Variants in MED13 observed in about 807,000 individuals in gnomAD.
The protein encoded by MED13 is mediator of RNA polymerase II transcription subunit 13.
Under a neutral mutation model 225.2 loss-of-function variants are expected in MED13, and 23 were observed. That is an observed-to-expected ratio of 0.10 (90% CI 0.07 to 0.14). The LOEUF is 0.14. MED13 is among the 10% of genes least tolerant of loss of function. The pLI is 1.00. For missense variants in MED13, 2,197 were observed against 2,594.5 expected, an observed-to-expected ratio of 0.85 and a Z score of 3.33; for synonymous variants, 942 against 889.2, an observed-to-expected ratio of 1.06 and a Z score of -1.06.
At chr17:62,055,429 A>G (rs1395239809) in intron 2 of MED13, among the ~76,000 whole-genome samples, 1 of 152,130 alleles carries the variant, frequency 6.6e-6, no homozygotes, top group Non-Finnish European at 1.5e-5. Context: ...AGTAAAAGCT[A>G]AAGCACAATT....
chr17:62,048,043 CAT>C (rs397803988), intron 3 of MED13, among the ~76,000 whole-genome samples: 3,731 of 130,994 alleles, frequency 0.028, 60 homozygotes, highest in Middle Eastern at 0.043. Context: ...TATACATATA[CAT>C]ATATATATAT....
chr17:62,031,703 A>T, intron 5 of MED13, 65 bp from the exon 6 acceptor site: 1 of 1,070,142 alleles, frequency 9.3e-7, no homozygotes. Flanking sequence ...AGTTTCACTC[A>T]AAAGTACTAT....
In MED13 at chr17:61,946,281, CAATAGAGTCAATGAAA is replaced by C. The variant is rs2079851066; in HGVS notation, c.*171_*186del. On this transcript the variant is annotated 3_prime_UTR_variant, in exon 30 of 30. Transcript: ENST00000397786. ...TGATCAGTCATCATCCTAAAGAGTT[CAATAGAGTCAATGAAA>C]AATAGCAGGGTTATAGCCCCTCCCC... 2 of 618,672 alleles carry C rather than the reference CAATAGAGTCAATGAAA, an allele frequency of 3.2e-6. No individual in the cohort carries two copies. Among genetic ancestry groups the C allele is most frequent in the Non-Finnish European group, 5.4e-6 (2 of 368,526 alleles). The allele number at this position is 618,672 out of a possible 1,614,324, so 38.3% of individuals were successfully genotyped here. A position where few individuals can be genotyped will look rare whatever the true frequency, so the allele number is the denominator to read the frequency against.
intron 16 of MED13, among the ~76,000 whole-genome samples, chr17:61,980,277 C>G (rs560392417): frequency 1.3e-4 from 20 of 152,264 alleles, no homozygotes; most frequent in African/African-American, 4.3e-4. Context: ...TTCTCAATTT[C>G]CTTTCCTGGT....
intron 3 of MED13, among the ~76,000 whole-genome samples, 163 bp from the exon 4 acceptor site, chr17:62,035,771 A>G (rs1335807696): frequency 1.3e-5 from 2 of 152,230 alleles, no homozygotes; most frequent in African/African-American, 4.8e-5. Flanking sequence ...AGACTTAGCT[A>G]TAAGAAATGT....
intron 8 of MED13, 60 bp downstream of exon 8, chr17:62,029,481 G>T: frequency 7.9e-7 from 1 of 1,265,572 alleles, no homozygotes; most frequent in Non-Finnish European, 1.2e-6. Context: ...GTGGGCATAA[G>T]CATTCAGTGG....
intron 3 of MED13, among the ~76,000 whole-genome samples, chr17:62,041,121 G>A (rs1603407553): frequency 6.6e-6 from 1 of 152,168 alleles, no homozygotes; most frequent in Admixed American, 6.5e-5. Context: ...GCCAAAAGGT[G>A]AAAACAACCC....
intron 7 of MED13, 61 bp from the exon 8 acceptor site, chr17:62,029,712 T>C: frequency 6.6e-7 from 1 of 1,522,626 alleles, no homozygotes; most frequent in East Asian, 2.3e-5. Flanking sequence ...AACCTCAATG[T>C]AGCATTGAAA....
intron 16 of MED13, among the ~76,000 whole-genome samples, chr17:61,975,410 T>C (rs1299162247): frequency 1.3e-5 from 2 of 152,174 alleles, no homozygotes; most frequent in African/African-American, 4.8e-5. Flanking sequence ...GAGATACTAC[T>C]TCACACAAAG....
At chr17:61,973,475 CAACT>C (rs2080126827) in intron 16 of MED13, among the ~76,000 whole-genome samples, 1 of 151,874 alleles carries the variant, frequency 6.6e-6, no homozygotes, top group South Asian at 2.1e-4. Flanking sequence ...CATTTCTGAC[CAACT>C]ATCAGAATGG....
At chr17:62,022,298 C>T (rs1290375668) in intron 8 of MED13, among the ~76,000 whole-genome samples, 1 of 151,602 alleles carries the variant, frequency 6.6e-6, no homozygotes, top group Non-Finnish European at 1.5e-5. Context: ...CACCTTCTGT[C>T]ACAGAGTAAG....
At chr17:61,955,218 C>G (rs1355069072) in intron 26 of MED13, 164 bp downstream of exon 26, 2 of 519,566 alleles carry the variant, frequency 3.8e-6, no homozygotes, top group South Asian at 4.0e-5. Context: ...AAGGGCCCAC[C>G]TGCGTAATTG....
intron 3 of MED13, among the ~76,000 whole-genome samples, chr17:62,045,742 A>T (rs2080892182): frequency 6.6e-6 from 1 of 152,164 alleles, no homozygotes; most frequent in Admixed American, 6.5e-5. Flanking sequence ...ATTCAAGAAA[A>T]CACTGGTCAT....
rs1160079169 is a variant in MED13 at position 61,945,505 on chromosome 17, A to G, written c.*963T>C. 6.6e-6 allele frequency: 1 copy of G among 152,634 alleles called. No homozygotes were observed. Among genetic ancestry groups the G allele is most frequent in the Non-Finnish European group, 1.5e-5 (1 of 68,044 alleles). The allele number at this position is 152,634 out of a possible 1,614,324, so 9.5% of individuals were successfully genotyped here. A position where few individuals can be genotyped will look rare whatever the true frequency, so the allele number is the denominator to read the frequency against. On this transcript the variant is annotated 3_prime_UTR_variant, in exon 30 of 30. Coordinates refer to ENST00000397786, the MANE Select transcript of MED13 (RefSeq NM_005121.3). ...AGTAGCAAATGGTTTTTCTTGTAAA[A>G]CTAAGTTTCTTTCACCGGAAATGGC...
At position 62,035,483 on chromosome 17, in the gene MED13, T is replaced by A. The variant is rs1440175920; in HGVS notation, c.596A>T (p.Gln199Leu). 1 of 1,610,794 alleles carries A rather than the reference T, an allele frequency of 6.2e-7. No homozygotes were observed. ...LSEEHITLAQ[Q>L]SNSPFQVILC... ...TCTACCTTGAAATGGGCTATTAGAC[T>A]GTTGAGCAAGGGTGATATGCTCTTC... Residue 199 changes from glutamine to leucine, a missense_variant, in exon 4 of 30, where the codon CAG becomes CTG. Gln to Leu is a moderately radical substitution (Grantham distance 113). Coordinates refer to ENST00000397786, the MANE Select transcript of MED13 (RefSeq NM_005121.3).
rs2080238224 is a variant in MED13 at position 61,985,300 on chromosome 17, T to G, written c.2386-210A>C. ...TTAATTTATTTGGTAAGCCTCCAAA[T>G]TAAAAGGAAAAAGTTCCTCCAAAGA... On this transcript the variant is annotated intron_variant, in intron 12 of 29. Coordinates refer to ENST00000397786, the MANE Select transcript of MED13 (RefSeq NM_005121.3). Among the ~76,000 whole-genome samples the G allele has an allele frequency of 2.0e-5, 3 of 152,172 alleles. No individual in the cohort carries two copies. In the South Asian group the frequency reaches 6.2e-4, roughly 32 times the overall value.
At chr17:61,948,207 A>T (rs1356234200) in intron 28 of MED13, among the ~76,000 whole-genome samples, 2 of 152,204 alleles carry the variant, frequency 1.3e-5, no homozygotes, top group African/African-American at 4.8e-5. Flanking sequence ...AACTAAAATA[A>T]GATATATGAA....
intron 12 of MED13, among the ~76,000 whole-genome samples, chr17:61,986,198 T>C (rs2080246080): frequency 6.6e-6 from 1 of 152,136 alleles, no homozygotes; most frequent in South Asian, 2.1e-4. Context: ...ATGTACTACA[T>C]TATGGGATAC....
intron 11 of MED13, among the ~76,000 whole-genome samples, chr17:61,988,378 C>A (rs1464348143): frequency 6.6e-6 from 1 of 152,150 alleles, no homozygotes; most frequent in African/African-American, 2.4e-5. Flanking sequence ...TATATTCCTG[C>A]ACAAGAAAAA....
Sources: gnomAD v4.1 joint callset for allele counts (sites outside exome capture counted in the v4.1 genomes callset) on GRCh38, gnomAD v4.1.1 for gene constraint, MANE v1.5 for transcripts, NCBI Gene and HGNC (gene_info 2026-07-23, HGNC 2026-07-21) for gene names.